Variants in NT5DC1 observed in about 807,000 individuals in gnomAD.
NT5DC1 encodes the protein 5'-nucleotidase domain-containing protein 1.
A neutral mutation model predicts 59.4 loss-of-function variants in NT5DC1; 42 were observed. The observed-to-expected ratio is 0.71, with a 90% confidence interval of 0.55 to 0.92. The LOEUF is 0.92. NT5DC1 is among the 40% of genes least tolerant of loss of function. The pLI is 0.00. For synonymous variants in NT5DC1, 172 were observed against 188.1 expected, an observed-to-expected ratio of 0.91 and a Z score of 0.70; for missense variants, 501 against 537.1, an observed-to-expected ratio of 0.93 and a Z score of 0.66.
intron 6 of NT5DC1, among the ~76,000 whole-genome samples, chr6:116,159,341 A>G (rs1780277204): frequency 6.6e-6 from 1 of 152,150 alleles, no homozygotes; most frequent in Admixed American, 6.6e-5. Flanking sequence ...CTTTCAAGTC[A>G]TTATTTCTGT....
At chr6:116,237,466 T>C in intron 9 of NT5DC1, 1 of 459,796 alleles carries the variant, frequency 2.2e-6, no homozygotes, top group Middle Eastern at 3.2e-4. Context: ...AAGAAAATAT[T>C]TACCAGAATT....
At chr6:116,151,529 C>A (rs989429607) in intron 6 of NT5DC1, among the ~76,000 whole-genome samples, 2 of 151,998 alleles carry the variant, frequency 1.3e-5, no homozygotes, top group Admixed American at 6.6e-5. Flanking sequence ...TGTTTAAATT[C>A]GTTAATATAA....
chr6:116,188,840 T>A (rs1448827810), intron 6 of NT5DC1, among the ~76,000 whole-genome samples: 1 of 151,954 alleles, frequency 6.6e-6, no homozygotes, highest in Non-Finnish European at 1.5e-5. Flanking sequence ...AACTTCTGAT[T>A]TAAGGAGAGA....
intron 6 of NT5DC1, among the ~76,000 whole-genome samples, chr6:116,203,276 T>C (rs958891584): frequency 6.6e-6 from 1 of 151,966 alleles, no homozygotes; most frequent in African/African-American, 2.4e-5. Flanking sequence ...ATGAAACTAT[T>C]ATGTCAGTTC....
In NT5DC1 at chr6:116,194,823, C is replaced by A. The variant is rs547528475; in HGVS notation, c.530-26231C>A. 3.3e-5 allele frequency among the ~76,000 whole-genome samples: 5 copies of A among 152,042 alleles called. No individual in the cohort carries two copies. In the East Asian group the frequency reaches 9.7e-4, roughly 30 times the overall value. On this transcript the variant is annotated intron_variant, in intron 6 of 11. Coordinates refer to ENST00000319550, the MANE Select transcript of NT5DC1 (RefSeq NM_152729.3). ...GGCAGGTATGGAGCTAGAACCTATT[C>A]TTTTCTATTATAAGACACTCTACAT...
Position 116,157,367 on chromosome 6 carries a change from A to G in NT5DC1, c.529+39422A>G, listed in dbSNP as rs138533804. ...AAGTAACTGTATGGACTTCCACCTT[A>G]TTACAGTCTTTGGCCACTGCTATCT... On this transcript the variant is annotated intron_variant, in intron 6 of 11. Transcript: ENST00000319550. 7.0e-4 allele frequency among the ~76,000 whole-genome samples: 106 copies of G among 152,324 alleles called. No individual in the cohort carries two copies. The East Asian group carries it at 0.017, about 25-fold the overall frequency.
chr6:116,235,458 T>C (rs149209438), intron 8 of NT5DC1, among the ~76,000 whole-genome samples: 3 of 152,362 alleles, frequency 2.0e-5, no homozygotes, highest in African/African-American at 7.2e-5. Context: ...AAATGGCAGC[T>C]AGATAGGCAT....
At chr6:116,133,783 C>T (rs1779523957) in intron 6 of NT5DC1, among the ~76,000 whole-genome samples, 1 of 152,148 alleles carries the variant, frequency 6.6e-6, no homozygotes, top group African/African-American at 2.4e-5. Flanking sequence ...TAATGCTGAC[C>T]AGATCACCTG....
intron 6 of NT5DC1, among the ~76,000 whole-genome samples, chr6:116,173,203 T>C (rs1331647263): frequency 6.6e-6 from 1 of 152,192 alleles, no homozygotes; most frequent in Non-Finnish European, 1.5e-5. Flanking sequence ...TCATCTAAAG[T>C]GTAAACTATA....
chr6:116,103,988 G>T (rs1562115425), intron 1 of NT5DC1, among the ~76,000 whole-genome samples: 1 of 152,128 alleles, frequency 6.6e-6, no homozygotes, highest in Admixed American at 6.5e-5. Context: ...AACATAATTT[G>T]TAGGCTGCAT....
intron 6 of NT5DC1, among the ~76,000 whole-genome samples, chr6:116,180,286 A>G (rs1347649866): frequency 6.6e-6 from 1 of 152,112 alleles, no homozygotes; most frequent in African/African-American, 2.4e-5. Context: ...AAAGGAAAGA[A>G]TGAAACAATT....
chr6:116,142,466 C>G (rs968937079), intron 6 of NT5DC1, among the ~76,000 whole-genome samples: 1 of 152,080 alleles, frequency 6.6e-6, no homozygotes, highest in East Asian at 1.9e-4. Flanking sequence ...TCATGTTTCA[C>G]TCCTAAAACA....
At chr6:116,139,309 G>C (rs1779704974) in intron 6 of NT5DC1, among the ~76,000 whole-genome samples, 1 of 151,974 alleles carries the variant, frequency 6.6e-6, no homozygotes. Flanking sequence ...GTGTTATTTG[G>C]TACAAATGAT....
chr6:116,110,679 C>A, intron 3 of NT5DC1, 171 bp from the exon 4 acceptor site: 1 of 691,724 alleles, frequency 1.4e-6, no homozygotes, highest in Non-Finnish European at 2.6e-6. Context: ...CTACAGCTGC[C>A]CACAGAAATG....
chr6:116,145,450 C>T (rs907899804), intron 6 of NT5DC1: 4 of 388,352 alleles, frequency 1.0e-5, no homozygotes, highest in Admixed American at 2.4e-5. Context: ...AGAAGATTGG[C>T]CACATCCTTG....
intron 6 of NT5DC1, among the ~76,000 whole-genome samples, chr6:116,196,480 A>AG (rs1442221983): frequency 4.6e-5 from 7 of 152,138 alleles, no homozygotes; most frequent in East Asian, 1.9e-4. Context: ...AGTTTGATCT[A>AG]GGGAAAAAAA....
intron 6 of NT5DC1, among the ~76,000 whole-genome samples, chr6:116,185,598 TC>T (rs1780978183): frequency 6.6e-6 from 1 of 152,116 alleles, no homozygotes; most frequent in South Asian, 2.1e-4. Flanking sequence ...GTTGGACTAG[TC>T]CTTTTATCCT....
chr6:116,121,258 A>G (rs990240424), intron 6 of NT5DC1: 6 of 1,613,824 alleles, frequency 3.7e-6, no homozygotes, highest in Non-Finnish European at 5.1e-6. Context: ...CTATTCCTGG[A>G]GCCCCAGGGA....
chr6:116,143,207 CTTTTGT>C (rs1779809278), intron 6 of NT5DC1, among the ~76,000 whole-genome samples: 2 of 151,986 alleles, frequency 1.3e-5, no homozygotes, highest in African/African-American at 4.8e-5. Flanking sequence ...TTTCTCACCT[CTTTTGT>C]TTTTGTTTTT....
Sources: allele counts gnomAD v4.1 joint callset (sites outside exome capture counted in the v4.1 genomes callset), GRCh38; gene constraint gnomAD v4.1.1; transcripts MANE v1.5; gene names NCBI Gene and HGNC (gene_info 2026-07-23, HGNC 2026-07-21).